Variants in SRGAP2B observed in about 807,000 individuals in gnomAD.
SRGAP2B encodes SLIT-ROBO Rho GTPase-activating protein 2B.
Under a neutral mutation model 22.2 loss-of-function variants are expected in SRGAP2B, and 9 were observed. That is an observed-to-expected ratio of 0.41 (90% CI 0.24 to 0.71). The LOEUF (loss-of-function observed/expected upper bound fraction) is 0.71. SRGAP2B is among the 30% of genes least tolerant of loss of function. The pLI is 0.35. For missense variants in SRGAP2B, 114 were observed against 235.8 expected (o/e 0.48, Z 3.38); for synonymous variants, 36 against 87.4 (o/e 0.41, Z 3.28).
chr1:144,940,474 G>C (rs1296891735), intron 4 of SRGAP2B, among the ~76,000 whole-genome samples: 1 of 150,018 alleles, frequency 6.7e-6, no homozygotes, highest in Non-Finnish European at 1.5e-5. Context: ...ATTGCTTCTA[G>C]ATGTACAAGA....
intron 5 of SRGAP2B, among the ~76,000 whole-genome samples, chr1:144,911,619 ATT>A (rs1319087786): frequency 6.2e-4 from 84 of 135,630 alleles, no homozygotes; most frequent in African/African-American, 2.1e-3. Context: ...CTGAACTGCT[ATT>A]TTTTTTTTTT....
At chr1:144,965,774 C>T (rs1668039483) in intron 3 of SRGAP2B, among the ~76,000 whole-genome samples, 1 of 141,938 alleles carries the variant, frequency 7.0e-6, no homozygotes, top group East Asian at 2.0e-4. Flanking sequence ...ACTAGAATAA[C>T]GAATACAGAG....
chr1:145,006,453 G>A (rs1352888819), intron 2 of SRGAP2B, among the ~76,000 whole-genome samples: 1 of 149,296 alleles, frequency 6.7e-6, no homozygotes, highest in Non-Finnish European at 1.5e-5. Context: ...TGCAAATGAA[G>A]TGTACGCTTT....
intron 4 of SRGAP2B, among the ~76,000 whole-genome samples, chr1:144,936,409 C>T (rs1170915262): frequency 6.9e-6 from 1 of 144,392 alleles, no homozygotes; most frequent in Admixed American, 6.9e-5. Context: ...GAGGAATGCG[C>T]AGCCAGAATA....
exon 10 of SRGAP2B, chr1:144,892,140 G>A (rs1662142845): frequency 2.6e-6 from 2 of 773,940 alleles, no homozygotes; most frequent in Admixed American, 3.4e-5. Flanking sequence ...CTTGAGTGCT[G>A]CAGTGCATGC....
chr1:144,917,707 T>C (rs1218344283), intron 4 of SRGAP2B, among the ~76,000 whole-genome samples: 2 of 140,046 alleles, frequency 1.4e-5, no homozygotes, highest in African/African-American at 6.2e-5. Context: ...TCCCTCTGGC[T>C]GAGGGTTGGG....
intron 2 of SRGAP2B, among the ~76,000 whole-genome samples, chr1:145,016,893 G>C (rs1444146445): frequency 6.8e-6 from 1 of 147,580 alleles, no homozygotes; most frequent in African/African-American, 2.6e-5. Flanking sequence ...CTGTCGCCCA[G>C]GCTGGAGTGC....
At chr1:145,019,942 C>T (rs1362070677) in intron 2 of SRGAP2B, among the ~76,000 whole-genome samples, 1 of 151,120 alleles carries the variant, frequency 6.6e-6, no homozygotes, top group Non-Finnish European at 1.5e-5. Context: ...CTCAAATACA[C>T]CAAGCACACT....
chr1:144,945,648 T>A (rs1251553003), intron 4 of SRGAP2B, among the ~76,000 whole-genome samples: 1 of 149,650 alleles, frequency 6.7e-6, no homozygotes, highest in Non-Finnish European at 1.5e-5. Flanking sequence ...TACATACAAG[T>A]AAGCAATAAT....
At chr1:144,986,903 C>G (rs1374299105) in intron 3 of SRGAP2B, among the ~76,000 whole-genome samples, 1 of 150,996 alleles carries the variant, frequency 6.6e-6, no homozygotes, top group African/African-American at 2.5e-5. Context: ...TATCCATCAG[C>G]CTTTGTTCTC....
chr1:145,025,827 T>C (rs1647663115), intron 2 of SRGAP2B, among the ~76,000 whole-genome samples: 4 of 150,576 alleles, frequency 2.7e-5, no homozygotes, highest in African/African-American at 9.8e-5. Flanking sequence ...GATAAGCATG[T>C]TGCTTTTCTA....
At chr1:144,979,600 C>T (rs1553614736) in intron 3 of SRGAP2B, among the ~76,000 whole-genome samples, 1 of 147,582 alleles carries the variant, frequency 6.8e-6, no homozygotes, top group African/African-American at 2.6e-5. Context: ...GGAGGTGGGG[C>T]CTGGTGGGAG....
intron 4 of SRGAP2B, among the ~76,000 whole-genome samples, chr1:144,941,162 T>C (rs1288026051): frequency 2.1e-5 from 3 of 143,874 alleles, no homozygotes; most frequent in Non-Finnish European, 3.0e-5. Context: ...TTCATAGCCT[T>C]AACTGAAGCT....
chr1:145,084,418 G>A (rs1224558564), intron 2 of SRGAP2B, among the ~76,000 whole-genome samples: 16 of 137,160 alleles, frequency 1.2e-4, no homozygotes, highest in African/African-American at 3.0e-4. Context: ...AGACTCTGGC[G>A]ACAACCAAGG....
chr1:145,066,715 G>A (rs1553632433), intron 2 of SRGAP2B, among the ~76,000 whole-genome samples: 1 of 151,790 alleles, frequency 6.6e-6, no homozygotes, highest in African/African-American at 2.4e-5. Flanking sequence ...GCTGAACGCA[G>A]CCGCCTGACC....
chr1:144,966,023 C>T (rs1668058100), intron 3 of SRGAP2B, among the ~76,000 whole-genome samples: 1 of 150,644 alleles, frequency 6.6e-6, no homozygotes, highest in African/African-American at 2.5e-5. Context: ...GATTGGTGTA[C>T]CTGAAAGTGA....
rs1418076424 is a variant in SRGAP2B, at chr1:144,994,990, T to C, written c.260+18A>G. Reference sequence around the variant, plus strand: ...CATATTCCAAGGTCTCAGAGAGTAATAGCCACAGAGCCCCTACTTGAATTG... The same window carrying C: ...CATATTCCAAGGTCTCAGAGAGTAACAGCCACAGAGCCCCTACTTGAATTG... On this transcript the variant is annotated intron_variant, in intron 3 of 9. Transcript: ENST00000612199. 100 of 1,475,992 alleles carry C rather than the reference T, an allele frequency of 6.8e-5. 1 individual carries two copies. The highest frequency in any genetic ancestry group is 6.3e-5 in the Non-Finnish European group (70 of 1,115,740). 91.4% of individuals were successfully genotyped at this position (1,475,992 alleles called of 1,614,324 possible). A position where few individuals can be genotyped will look rare whatever the true frequency, so the allele number is the denominator to read the frequency against.
intron 3 of SRGAP2B, among the ~76,000 whole-genome samples, chr1:144,984,368 A>AACAACAAC (rs1390223607): frequency 1.5e-4 from 17 of 113,292 alleles, no homozygotes; most frequent in East Asian, 7.9e-4. Context: ...ACAACAACAA[A>AACAACAAC]AAAAAAAAAA....
At chr1:144,987,212 A>G (rs1376239432) in intron 3 of SRGAP2B, among the ~76,000 whole-genome samples, 2 of 151,948 alleles carry the variant, frequency 1.3e-5, no homozygotes, top group Non-Finnish European at 2.9e-5. Context: ...GATGCTGCTG[A>G]TTGTCCCCCA....
Sources: allele counts gnomAD v4.1 joint callset (sites outside exome capture counted in the v4.1 genomes callset), GRCh38; gene constraint gnomAD v4.1.1; transcripts MANE v1.5; gene names NCBI Gene and HGNC (gene_info 2026-07-23, HGNC 2026-07-21).